The following LRP1B variants were observed in gnomAD, a reference collection of about 807,000 sequenced individuals.
The protein encoded by LRP1B is low-density lipoprotein receptor-related protein 1B.
In LRP1B, 217 loss-of-function variants were observed where a neutral mutation model predicts 556.6. The ratio of observed to expected loss-of-function variants is 0.39; its 90% CI spans 0.35 to 0.44. The LOEUF is 0.44. LRP1B is among the 20% of genes least tolerant of loss of function. The pLI is 1.00. For missense variants in LRP1B, 5,053 were observed against 5,620.8 expected, an observed-to-expected ratio of 0.90 and a Z score of 3.23; for synonymous variants, 2,047 against 1,865.8, an observed-to-expected ratio of 1.10 and a Z score of -2.50.
intron 2 of LRP1B, among the ~76,000 whole-genome samples, chr2:141,654,228 G>A (rs1293090840): frequency 6.6e-6 from 1 of 152,174 alleles, no homozygotes; most frequent in Admixed American, 6.5e-5. Context: ...GATCACATGA[G>A]ATTTTCTCAA....
chr2:141,788,786 G>T (rs1267577717), intron 2 of LRP1B, among the ~76,000 whole-genome samples: 1 of 151,410 alleles, frequency 6.6e-6, no homozygotes, highest in Non-Finnish European at 1.5e-5. Flanking sequence ...AGAACATGCG[G>T]TGTTTGTTTT....
intron 3 of LRP1B, among the ~76,000 whole-genome samples, chr2:141,385,115 C>A (rs77958919): frequency 0.052 from 7,875 of 152,180 alleles, 234 homozygotes; most frequent in South Asian, 0.08. Context: ...TACGCCACTG[C>A]AGCTAAATTG....
rs145223319 is a variant in LRP1B, at chr2:142,086,166, C to T, written c.82+44482G>A. 3.5e-3 allele frequency among the ~76,000 whole-genome samples: 536 copies of T among 152,110 alleles called. 2 individuals are homozygous for T. Among genetic ancestry groups the T allele is most frequent in the African/African-American group, 0.012 (482 of 41,508 alleles). On this transcript the variant is annotated intron_variant, in intron 1 of 90. Transcript: ENST00000389484. ...GTGAAAATGTGTCATTTTCCAAGTGCGAAAATGTGTTGCTATTAGTCAACC... is the reference window on the plus strand; with the variant it reads ...GTGAAAATGTGTCATTTTCCAAGTGTGAAAATGTGTTGCTATTAGTCAACC...
Position 140,684,133 on chromosome 2 carries a change from T to C in LRP1B, c.6799+16117A>G, listed in dbSNP as rs1011521691. Among the ~76,000 whole-genome samples, 5 of 152,348 alleles carry C rather than the reference T, an allele frequency of 3.3e-5. No individual in the cohort carries two copies. In the East Asian group the frequency reaches 9.6e-4, roughly 29 times the overall value. ...ATGACGGAATCTATAAAATAGGTTA[T>C]AAGTAAATGTCTCATGCTACATGAG... On this transcript the variant is annotated intron_variant, in intron 41 of 90. Coordinates refer to ENST00000389484, the MANE Select transcript of LRP1B (RefSeq NM_018557.3).
chr2:141,378,240 C>G (rs1457527702), intron 3 of LRP1B, among the ~76,000 whole-genome samples: 1 of 152,238 alleles, frequency 6.6e-6, no homozygotes, highest in East Asian at 1.9e-4. Context: ...AAGAATATGG[C>G]TCATTCACAG....
chr2:141,613,833 G>A (rs78625758), intron 2 of LRP1B, among the ~76,000 whole-genome samples: 1 of 151,956 alleles, frequency 6.6e-6, no homozygotes, highest in Non-Finnish European at 1.5e-5. Flanking sequence ...AGCACTTTGG[G>A]AGGCCAAGGC....
At chr2:140,302,261 A>G (rs527684889) in intron 83 of LRP1B, among the ~76,000 whole-genome samples, 149 of 152,086 alleles carry the variant, frequency 9.8e-4, no homozygotes, top group Admixed American at 3.0e-3. Flanking sequence ...CAATTTTCTG[A>G]TTCTGGGCTC....
At chr2:141,846,759 C>CA (rs1430512681) in intron 1 of LRP1B, among the ~76,000 whole-genome samples, 4 of 151,040 alleles carry the variant, frequency 2.6e-5, no homozygotes, top group Admixed American at 1.3e-4. Flanking sequence ...CGGAATGACA[C>CA]AAAAAACATA....
chr2:141,643,897 TA>T (rs1360458897), intron 2 of LRP1B, among the ~76,000 whole-genome samples: 16 of 152,002 alleles, frequency 1.1e-4, no homozygotes, highest in African/African-American at 3.9e-4. Flanking sequence ...ACAGCGACCT[TA>T]TAGGGCTGCT....
chr2:141,935,353 G>C (rs1700607026), intron 1 of LRP1B, among the ~76,000 whole-genome samples: 1 of 151,854 alleles, frequency 6.6e-6, no homozygotes, highest in South Asian at 2.1e-4. Flanking sequence ...ATGAAACTGA[G>C]TTTATACAGT....
chr2:140,980,887 A>G (rs1490872077), intron 18 of LRP1B, among the ~76,000 whole-genome samples: 1 of 152,214 alleles, frequency 6.6e-6, no homozygotes, highest in Non-Finnish European at 1.5e-5. Flanking sequence ...TGTAGTATAT[A>G]TACACCATGG....
chr2:140,466,128 T>TG (rs1168907013), intron 60 of LRP1B, among the ~76,000 whole-genome samples: 1 of 150,184 alleles, frequency 6.7e-6, no homozygotes, highest in Non-Finnish European at 1.5e-5. Context: ...TTTTTTCTTT[T>TG]TTTTTTTTTT....
At chr2:142,057,633 A>G (rs911506716) in intron 1 of LRP1B, among the ~76,000 whole-genome samples, 2 of 152,148 alleles carry the variant, frequency 1.3e-5, no homozygotes, top group African/African-American at 4.8e-5. Context: ...TTTTTTTCCA[A>G]TGCTTTTCCA....
chr2:141,861,929 C>CAAAA (rs532228489), intron 1 of LRP1B, among the ~76,000 whole-genome samples: 1 of 141,304 alleles, frequency 7.1e-6, no homozygotes, highest in African/African-American at 2.6e-5. Context: ...GACTCCATCT[C>CAAAA]AAAAAAAAAA....
At chr2:141,643,128 G>A (rs1323021123) in intron 2 of LRP1B, among the ~76,000 whole-genome samples, 1 of 152,230 alleles carries the variant, frequency 6.6e-6, no homozygotes, top group African/African-American at 2.4e-5. Context: ...CTAAGCAAAA[G>A]CAGCAGTCTA....
At chr2:141,205,639 G>A (rs942762965) in intron 6 of LRP1B, among the ~76,000 whole-genome samples, 4 of 151,990 alleles carry the variant, frequency 2.6e-5, no homozygotes, top group Admixed American at 6.6e-5. Context: ...AGAGAACTAC[G>A]ATAGTTCTAA....
chr2:142,127,504 A>G (rs1574714626), intron 1 of LRP1B, among the ~76,000 whole-genome samples: 1 of 151,928 alleles, frequency 6.6e-6, no homozygotes, highest in East Asian at 1.9e-4. Flanking sequence ...TTGTTTTAGC[A>G]CATTTAAATT....
intron 27 of LRP1B, among the ~76,000 whole-genome samples, chr2:140,860,163 C>A (rs1411373253): frequency 6.6e-6 from 1 of 152,102 alleles, no homozygotes; most frequent in Non-Finnish European, 1.5e-5. Flanking sequence ...CAGTACACAA[C>A]CTCTCTATGT....
At chr2:141,455,545 A>G (rs1681599953) in intron 3 of LRP1B, among the ~76,000 whole-genome samples, 1 of 151,324 alleles carries the variant, frequency 6.6e-6, no homozygotes, top group African/African-American at 2.4e-5. Flanking sequence ...CCAGTAAGAA[A>G]CTACAAAAAG....
Sources: gnomAD v4.1 joint callset for allele counts (sites outside exome capture counted in the v4.1 genomes callset) on GRCh38, gnomAD v4.1.1 for gene constraint, MANE v1.5 for transcripts, NCBI Gene and HGNC (gene_info 2026-07-23, HGNC 2026-07-21) for gene names.